The following CNTN5 variants were observed in gnomAD, a reference collection of about 807,000 sequenced individuals.
CNTN5 encodes the protein contactin-5.
In CNTN5, 77 loss-of-function variants were observed where a neutral mutation model predicts 129.1. That is an observed-to-expected ratio of 0.60 (90% confidence interval 0.50 to 0.72). The LOEUF (loss-of-function observed/expected upper bound fraction) is 0.72, where lower values mean the gene tolerates loss of function less well. Ranked by LOEUF, CNTN5 falls within the 30% of genes least tolerant of loss-of-function variation. CNTN5 has a pLI of 0.00. For synonymous variants in CNTN5, 509 were observed against 465.6 expected (o/e 1.09, Z -1.20); for missense variants, 1,478 against 1,328.8 (o/e 1.11, Z -1.75).
At chr11:99,844,610 TGAG>T in intron 4 of CNTN5, 1 of 478,264 alleles carries the variant, frequency 2.1e-6, no homozygotes, top group East Asian at 4.8e-5. Context: ...TATAAATGTC[TGAG>T]GTTTGTTTTT....
intron 1 of CNTN5, among the ~76,000 whole-genome samples, chr11:99,134,267 G>T (rs1859106798): frequency 6.6e-6 from 1 of 152,122 alleles, no homozygotes; most frequent in East Asian, 1.9e-4. Context: ...GGGCAAGGCA[G>T]GGAGGGCATT....
At chr11:99,742,354 C>T in intron 3 of CNTN5, among the ~76,000 whole-genome samples, 1 of 98,460 alleles carries the variant, frequency 1.0e-5, no homozygotes, top group African/African-American at 4.9e-5. Flanking sequence ...ATATGAGTTA[C>T]ATCAGATTGT....
chr11:99,675,665 G>C (rs918850061), intron 3 of CNTN5, among the ~76,000 whole-genome samples: 8 of 152,000 alleles, frequency 5.3e-5, no homozygotes, highest in African/African-American at 1.7e-4. Context: ...CCAGCCTGTC[G>C]ACAGAGCAAA....
At chr11:99,452,246 T>A (rs1291077128) in intron 2 of CNTN5, among the ~76,000 whole-genome samples, 1 of 152,066 alleles carries the variant, frequency 6.6e-6, no homozygotes, top group Non-Finnish European at 1.5e-5. Flanking sequence ...AGTTTTGAAA[T>A]TCATCCAAAT....
chr11:99,174,024 G>A (rs1185959976), intron 1 of CNTN5, among the ~76,000 whole-genome samples: 1 of 152,068 alleles, frequency 6.6e-6, no homozygotes, highest in Non-Finnish European at 1.5e-5. Flanking sequence ...GTGTGATGGA[G>A]CCTCATTCTG....
chr11:100,261,868 C>A (rs1203205535), intron 17 of CNTN5, among the ~76,000 whole-genome samples: 10 of 152,070 alleles, frequency 6.6e-5, no homozygotes, highest in Non-Finnish European at 1.5e-4. Context: ...TAGGCAATAC[C>A]ATTCAGGACA....
At chr11:100,085,084 G>A (rs182496482) in intron 13 of CNTN5, among the ~76,000 whole-genome samples, 1 of 152,026 alleles carries the variant, frequency 6.6e-6, no homozygotes, top group Non-Finnish European at 1.5e-5. Context: ...TTAAGGGGGA[G>A]TAAATAATTT....
At chr11:99,899,241 G>A (rs190498659) in intron 6 of CNTN5, among the ~76,000 whole-genome samples, 1 of 152,068 alleles carries the variant, frequency 6.6e-6, no homozygotes, top group East Asian at 1.9e-4. Flanking sequence ...TGATAGCTCT[G>A]TTTGGGACTT....
chr11:99,170,353 G>A lies in CNTN5; in HGVS notation c.-210+149083G>A, dbSNP rs146383092. 5.6e-3 allele frequency among the ~76,000 whole-genome samples: 855 copies of A among 152,230 alleles called. 5 individuals carry two copies. Among genetic ancestry groups the A allele is most frequent in the Non-Finnish European group, 9.7e-3 (661 of 68,024 alleles). On this transcript the variant is annotated intron_variant, in intron 1 of 24. Transcript: ENST00000524871. The stretch of plus-strand genomic sequence containing the variant: ...TCGCAGTCAGATGTGTACCAAGGAA[G>A]GTTGAAAACCAGCAGCAGGCTCTTA...
intron 6 of CNTN5, among the ~76,000 whole-genome samples, chr11:99,915,744 A>G (rs569359796): frequency 2.0e-5 from 3 of 152,276 alleles, no homozygotes; most frequent in African/African-American, 7.2e-5. Context: ...AAATATCACT[A>G]CGTAGGAAAT....
chr11:99,429,628 AAT>A (rs1308610901), intron 2 of CNTN5, among the ~76,000 whole-genome samples: 1 of 152,110 alleles, frequency 6.6e-6, no homozygotes, highest in African/African-American at 2.4e-5. Flanking sequence ...TAAGGAGTAC[AAT>A]TTTACTTATA....
At chr11:99,068,192 A>G (rs1865182484) in intron 1 of CNTN5, among the ~76,000 whole-genome samples, 4 of 152,210 alleles carry the variant, frequency 2.6e-5, no homozygotes, top group Admixed American at 1.3e-4. Context: ...AAAATGGTCT[A>G]ATTCAACAGT....
At chr11:99,526,469 G>A (rs1035322500) in intron 2 of CNTN5, among the ~76,000 whole-genome samples, 2 of 152,218 alleles carry the variant, frequency 1.3e-5, no homozygotes, top group Non-Finnish European at 2.9e-5. Context: ...ATAGTTTTAT[G>A]CAAGAATAGC....
chr11:99,454,121 C>A (rs1445545625), intron 2 of CNTN5, among the ~76,000 whole-genome samples: 2 of 151,900 alleles, frequency 1.3e-5, no homozygotes, highest in African/African-American at 2.4e-5. Context: ...AAAGAAATGT[C>A]TGAACAATTT....
At chr11:99,224,410 C>T (rs1421159386) in intron 1 of CNTN5, among the ~76,000 whole-genome samples, 2 of 151,938 alleles carry the variant, frequency 1.3e-5, no homozygotes, top group Non-Finnish European at 2.9e-5. Context: ...CTATGAATAG[C>T]AAAAATAAGA....
chr11:99,717,017 A>G (rs570057761), intron 3 of CNTN5, among the ~76,000 whole-genome samples: 23 of 152,094 alleles, frequency 1.5e-4, no homozygotes, highest in South Asian at 2.1e-4. Flanking sequence ...AGCGTTGGTG[A>G]AATTACAATT....
At chr11:99,765,375 T>C (rs893902983) in intron 3 of CNTN5, among the ~76,000 whole-genome samples, 10 of 149,850 alleles carry the variant, frequency 6.7e-5, no homozygotes, top group African/African-American at 2.5e-4. Context: ...AATCTCAGTA[T>C]GAAACACATA....
intron 13 of CNTN5, among the ~76,000 whole-genome samples, chr11:100,103,567 C>A (rs1945303124): frequency 6.6e-6 from 1 of 152,138 alleles, no homozygotes. Flanking sequence ...ACTTTGAAAT[C>A]TCATTTTTAA....
chr11:100,214,041 G>A (rs1177722354), intron 15 of CNTN5, among the ~76,000 whole-genome samples: 1 of 151,990 alleles, frequency 6.6e-6, no homozygotes, highest in Non-Finnish European at 1.5e-5. Context: ...ATATTTACTA[G>A]TATTGCCAAA....
Sources: gnomAD v4.1 joint callset for allele counts (sites outside exome capture counted in the v4.1 genomes callset) on GRCh38, gnomAD v4.1.1 for gene constraint, MANE v1.5 for transcripts, NCBI Gene and HGNC (gene_info 2026-07-23, HGNC 2026-07-21) for gene names.